The following CCDC25 variants were observed in gnomAD, a reference collection of about 807,000 sequenced individuals.
CCDC25 encodes coiled-coil domain-containing protein 25.
CCDC25 carries 16 observed loss-of-function variants against 35.3 expected under a neutral mutation model. The ratio of observed to expected loss-of-function variants is 0.45; its 90% CI spans 0.31 to 0.69. CCDC25 has a LOEUF of 0.69. Among genes scored for constraint, CCDC25 ranks in the 30% least tolerant of loss-of-function variants. The pLI is 0.06. For synonymous variants in CCDC25, 79 were observed against 80.3 expected, an observed-to-expected ratio of 0.98 and a Z score of 0.09; for missense variants, 179 against 250.7, an observed-to-expected ratio of 0.71 and a Z score of 1.93.
At position 27,737,779 on chromosome 8, in the gene CCDC25, C is replaced by A. The variant is rs1217006673; in HGVS notation, c.598-1534G>T. ...TATTCAAAAAAGATACTTGCACACACATGTTTACAGTGGCACAATTCACAA... is the reference window on the plus strand; with the variant it reads ...TATTCAAAAAAGATACTTGCACACAAATGTTTACAGTGGCACAATTCACAA... On this transcript the variant is annotated intron_variant, in intron 8 of 8. Transcript: ENST00000356537. The surrounding 1 kb of genome is among the most constrained non-coding windows in gnomAD (Gnocchi z 4.6). Among the ~76,000 whole-genome samples the A allele has an allele frequency of 2.6e-5, 4 of 152,100 alleles. No homozygotes were observed. The highest frequency in any genetic ancestry group is 2.6e-4 in the Admixed American group (4 of 15,274).
intron 8 of CCDC25, among the ~76,000 whole-genome samples, chr8:27,739,192 G>C (rs562468349): frequency 6.4e-4 from 97 of 152,122 alleles, no homozygotes; most frequent in African/African-American, 2.3e-3. Context: ...CAAATTCAAA[G>C]CTCTATTTAA....
intron 1 of CCDC25, among the ~76,000 whole-genome samples, chr8:27,768,948 C>G (rs995182212): frequency 6.6e-6 from 1 of 152,130 alleles, no homozygotes; most frequent in Admixed American, 6.5e-5. Flanking sequence ...CCTTATGAGA[C>G]AGCATGAAAG....
rs1325080729 is a variant in CCDC25, at chr8:27,735,126, A to G, written c.*1090T>C. On this transcript the variant is annotated 3_prime_UTR_variant, in exon 9 of 9. Transcript: ENST00000356537. ...CATCAGACTGAATATCATCAGACAC[A>G]TACACAAAACCACTCATCTCTAAAG... 6.6e-6 allele frequency: 1 copy of G among 152,642 alleles called. No homozygotes were observed. Among genetic ancestry groups the G allele is most frequent in the Admixed American group, 6.5e-5 (1 of 15,278 alleles). The allele number at this position is 152,642 out of a possible 1,614,324, so 9.5% of individuals were successfully genotyped here. A position where few individuals can be genotyped will look rare whatever the true frequency, so the allele number is the denominator to read the frequency against.
intron 3 of CCDC25, 145 bp downstream of exon 3, chr8:27,762,274 T>G (rs1311814811): frequency 1.4e-6 from 1 of 691,782 alleles, no homozygotes; most frequent in East Asian, 3.0e-5. Context: ...GCAAGGTAAT[T>G]AGAAATGAAG....
At chr8:27,759,864 G>GT (rs544030151) in intron 3 of CCDC25, among the ~76,000 whole-genome samples, 18 of 151,848 alleles carry the variant, frequency 1.2e-4, no homozygotes, top group African/African-American at 4.1e-4. Flanking sequence ...GCCTCAGGAG[G>GT]TTTTCCGGGA....
chr8:27,741,237 C>T (rs1162960830), intron 7 of CCDC25, among the ~76,000 whole-genome samples: 1 of 152,162 alleles, frequency 6.6e-6, no homozygotes, highest in African/African-American at 2.4e-5. Context: ...CATTAAATAT[C>T]CATGTGCATA....
Position 27,733,332 on chromosome 8 carries a change from A to G in CCDC25, c.*2884T>C, listed in dbSNP as rs1803100405. 1 of 152,236 alleles carries G rather than the reference A, an allele frequency of 6.6e-6. No homozygotes were observed. Among genetic ancestry groups the G allele is most frequent in the Admixed American group, 6.5e-5 (1 of 15,288 alleles). 9.4% of individuals were successfully genotyped at this position (152,236 alleles called of 1,614,324 possible). On this transcript the variant is annotated 3_prime_UTR_variant, in exon 9 of 9. Coordinates refer to ENST00000356537, the MANE Select transcript of CCDC25 (RefSeq NM_018246.3). The stretch of plus-strand genomic sequence containing the variant: ...CACACACAGTTCTACTCAAACTATA[A>G]GCTTTTATTATTGTATTTTACAGAT...
chr8:27,764,698 A>G (rs1185442406), intron 2 of CCDC25, among the ~76,000 whole-genome samples: 1 of 152,210 alleles, frequency 6.6e-6, no homozygotes, highest in Admixed American at 6.5e-5. Flanking sequence ...TTGTATCTAT[A>G]TATTCCTACA....
At chr8:27,741,146 T>C (rs868424034) in intron 7 of CCDC25, among the ~76,000 whole-genome samples, 1 of 152,144 alleles carries the variant, frequency 6.6e-6, no homozygotes, top group Non-Finnish European at 1.5e-5. Flanking sequence ...GTTGTCTTGA[T>C]TGCACGACTG....
chr8:27,767,467 T>C (rs1176573412), intron 1 of CCDC25, among the ~76,000 whole-genome samples: 1 of 152,206 alleles, frequency 6.6e-6, no homozygotes, highest in African/African-American at 2.4e-5. Flanking sequence ...GTTTTGATGG[T>C]TGACTTATTA....
intron 1 of CCDC25, among the ~76,000 whole-genome samples, chr8:27,765,621 T>C (rs72609971): frequency 0.16 from 19,546 of 125,676 alleles, 1,498 homozygotes; most frequent in East Asian, 0.48. Flanking sequence ...TTGCCTTCTT[T>C]AAGAGTTAAA....
intron 1 of CCDC25, among the ~76,000 whole-genome samples, chr8:27,768,953 TGAAA>T (rs1647663561): frequency 6.6e-6 from 1 of 152,186 alleles, no homozygotes; most frequent in Admixed American, 6.5e-5. Flanking sequence ...TGAGACAGCA[TGAAA>T]GAATGAAAAT....
chr8:27,771,045 T>C (rs1804592807), intron 1 of CCDC25, among the ~76,000 whole-genome samples: 1 of 152,168 alleles, frequency 6.6e-6, no homozygotes, highest in Non-Finnish European at 1.5e-5. Flanking sequence ...ACACATACTA[T>C]GGTGGTCCCA....
At chr8:27,771,834 G>A (rs1352042883) in intron 1 of CCDC25, 1 of 152,238 alleles carries the variant, frequency 6.6e-6, no homozygotes, top group African/African-American at 2.4e-5. Flanking sequence ...TTAGCTGGGG[G>A]TTGATTTTAG....
chr8:27,751,729 C>A (rs888922812), intron 5 of CCDC25, among the ~76,000 whole-genome samples: 1 of 152,216 alleles, frequency 6.6e-6, no homozygotes, highest in Admixed American at 6.5e-5. Context: ...GCACCACCTC[C>A]TGGTTTCCCT....
chr8:27,757,392 T>C (rs1804048065), intron 3 of CCDC25, among the ~76,000 whole-genome samples: 1 of 152,150 alleles, frequency 6.6e-6, no homozygotes, highest in South Asian at 2.1e-4. Context: ...AATTCAATAA[T>C]GTAACCCAAT....
At chr8:27,753,993 A>C (rs75669957) in intron 4 of CCDC25, among the ~76,000 whole-genome samples, 7,528 of 152,324 alleles carry the variant, frequency 0.049, 245 homozygotes, top group East Asian at 0.1. Flanking sequence ...TATAAAACCC[A>C]AAAGGGTTTT....
chr8:27,741,942 C>CTTA (rs1189580243), intron 7 of CCDC25, among the ~76,000 whole-genome samples: 1 of 152,120 alleles, frequency 6.6e-6, no homozygotes, highest in Non-Finnish European at 1.5e-5. Context: ...GACTCCTAAG[C>CTTA]TTATACTCTT....
At chr8:27,761,556 C>T (rs1180226587) in intron 3 of CCDC25, among the ~76,000 whole-genome samples, 2 of 152,180 alleles carry the variant, frequency 1.3e-5, no homozygotes, top group African/African-American at 4.8e-5. Context: ...CCTTTATCTT[C>T]AGGGATAGCA....
Sources: allele counts gnomAD v4.1 joint callset (sites outside exome capture counted in the v4.1 genomes callset), GRCh38; gene constraint gnomAD v4.1.1; non-coding constraint Gnocchi (gnomAD v3.1); transcripts MANE v1.5; gene names NCBI Gene and HGNC (gene_info 2026-07-23, HGNC 2026-07-21).